The following STAG1 variants were observed in gnomAD, a reference collection of about 807,000 sequenced individuals.
STAG1 encodes cohesin subunit SA-1.
A neutral mutation model predicts 170.9 loss-of-function variants in STAG1; 26 were observed. That is an observed-to-expected ratio of 0.15 (90% CI 0.11 to 0.21). The LOEUF (loss-of-function observed/expected upper bound fraction) is 0.21. STAG1 is among the 10% of genes least tolerant of loss of function. The pLI, the probability that STAG1 is intolerant of heterozygous loss-of-function variation, is 1.00. For missense variants in STAG1, 964 were observed against 1,509.5 expected (o/e 0.64, Z 5.99); for synonymous variants, 514 against 497.7 (o/e 1.03, Z -0.44).
chr3:136,475,950 T>G (rs73863622), intron 10 of STAG1, among the ~76,000 whole-genome samples: 13,475 of 152,142 alleles, frequency 0.089, 1,952 homozygotes, highest in African/African-American at 0.31. Context: ...ATTGTAAGTG[T>G]GACAGAATTT....
intron 1 of STAG1, among the ~76,000 whole-genome samples, chr3:136,719,667 G>A (rs1933104343): frequency 9.6e-6 from 1 of 103,652 alleles, no homozygotes; most frequent in Non-Finnish European, 1.9e-5. Context: ...GGGTGGGTAG[G>A]TGGGTGGGTG....
At chr3:136,706,207 G>C (rs1559962739) in intron 1 of STAG1, among the ~76,000 whole-genome samples, 1 of 152,134 alleles carries the variant, frequency 6.6e-6, no homozygotes, top group Non-Finnish European at 1.5e-5. Context: ...TCTAACATCA[G>C]AAATAAGACA....
At chr3:136,719,337 G>A (rs1205504178) in intron 1 of STAG1, among the ~76,000 whole-genome samples, 4 of 151,998 alleles carry the variant, frequency 2.6e-5, no homozygotes, top group Non-Finnish European at 5.9e-5. Context: ...TAGATTAGTA[G>A]TACCCTAAGA....
intron 6 of STAG1, among the ~76,000 whole-genome samples, chr3:136,535,212 A>T (rs756278884): frequency 2.6e-5 from 4 of 152,212 alleles, no homozygotes; most frequent in Non-Finnish European, 5.9e-5. Flanking sequence ...TAGGGAATAG[A>T]ATGATAGATG....
intron 21 of STAG1, among the ~76,000 whole-genome samples, chr3:136,415,225 T>G (rs754194186): frequency 4.6e-5 from 7 of 151,228 alleles, no homozygotes; most frequent in Non-Finnish European, 1.0e-4. Context: ...AACCACGCAA[T>G]AAAGCAAAGC....
At chr3:136,560,974 T>C (rs181027187) in intron 5 of STAG1, among the ~76,000 whole-genome samples, 98 of 152,208 alleles carry the variant, frequency 6.4e-4, no homozygotes, top group Non-Finnish European at 1.1e-3. Flanking sequence ...TTCCTTGCTC[T>C]CTTCCCACTT....
At chr3:136,741,898 G>A (rs1934690224) in intron 1 of STAG1, among the ~76,000 whole-genome samples, 1 of 152,114 alleles carries the variant, frequency 6.6e-6, no homozygotes, top group Non-Finnish European at 1.5e-5. Context: ...TCGCTGGAGT[G>A]GCTATATTAA....
intron 1 of STAG1, among the ~76,000 whole-genome samples, chr3:136,640,279 ATAAAG>A (rs1940739611): frequency 6.6e-6 from 1 of 152,240 alleles, no homozygotes; most frequent in Non-Finnish European, 1.5e-5. Flanking sequence ...TTATTGAAAA[ATAAAG>A]TATCTAATTT....
chr3:136,544,092 T>C (rs1237911516), intron 5 of STAG1, among the ~76,000 whole-genome samples: 1 of 152,110 alleles, frequency 6.6e-6, no homozygotes, highest in Non-Finnish European at 1.5e-5. Context: ...ACCTATAGCA[T>C]CCACCTCCAG....
intron 3 of STAG1, among the ~76,000 whole-genome samples, chr3:136,620,767 A>C (rs532561362): frequency 9.2e-5 from 14 of 152,232 alleles, no homozygotes; most frequent in Non-Finnish European, 1.8e-4. Flanking sequence ...AATTTCTAGA[A>C]TACTACTTTC....
intron 3 of STAG1, among the ~76,000 whole-genome samples, chr3:136,616,370 T>C (rs1202322609): frequency 3.3e-5 from 5 of 152,122 alleles, no homozygotes; most frequent in Non-Finnish European, 7.3e-5. Context: ...CAGGTCTTAA[T>C]TCTGTGTTCT....
chr3:136,518,221 A>G, intron 7 of STAG1: 1 of 473,796 alleles, frequency 2.1e-6, no homozygotes, highest in Non-Finnish European at 3.8e-6. Context: ...GGAACTCATC[A>G]CATCTGTACC....
At chr3:136,556,968 G>A (rs1576603973) in intron 5 of STAG1, among the ~76,000 whole-genome samples, 1 of 152,034 alleles carries the variant, frequency 6.6e-6, no homozygotes, top group African/African-American at 2.4e-5. Context: ...AGCAATGGCC[G>A]ACGCCTGTAA....
At position 136,740,598 on chromosome 3, in the gene STAG1, GC is replaced by G. The variant is rs535774451; in HGVS notation, c.-84+11596del. On this transcript the variant is annotated intron_variant, in intron 1 of 33. Coordinates refer to ENST00000383202, the MANE Select transcript of STAG1 (RefSeq NM_005862.3). ...TGGGCTCAAACTATCCTCTGCCTCA[GC>G]CCCCCAAGTAGCTGGGACTACAGGT... Among the ~76,000 whole-genome samples the G allele has an allele frequency of 5.2e-4, 79 of 152,128 alleles. 2 individuals are homozygous for G. In the South Asian group the frequency reaches 0.016, roughly 30 times the overall value.
intron 4 of STAG1, among the ~76,000 whole-genome samples, chr3:136,582,189 G>GT: frequency 7.8e-6 from 1 of 127,984 alleles, no homozygotes; most frequent in African/African-American, 3.0e-5. Flanking sequence ...ATCCTGCTTT[G>GT]TTTTTTGTGT....
intron 12 of STAG1, among the ~76,000 whole-genome samples, chr3:136,468,863 T>C (rs2089545738): frequency 6.6e-6 from 1 of 152,146 alleles, no homozygotes; most frequent in Non-Finnish European, 1.5e-5. Context: ...ATCCAGCATA[T>C]GAACAGAACC....
chr3:136,646,750 A>G (rs1017219781), intron 1 of STAG1, among the ~76,000 whole-genome samples: 2 of 152,274 alleles, frequency 1.3e-5, no homozygotes, highest in South Asian at 4.1e-4. Flanking sequence ...CAGTAAAAAT[A>G]CAAAAAGTAG....
At chr3:136,522,944 A>G (rs1934763410) in intron 6 of STAG1, among the ~76,000 whole-genome samples, 1 of 152,158 alleles carries the variant, frequency 6.6e-6, no homozygotes, top group East Asian at 1.9e-4. Context: ...TATATGTGCC[A>G]TATTTTCTTA....
Position 136,589,101 on chromosome 3 carries a change from G to A in STAG1, c.297+15208C>T, listed in dbSNP as rs1023584968. On this transcript the variant is annotated intron_variant, in intron 4 of 33. Transcript: ENST00000383202. ...ACATGGGGTTTCACCACAATGGTCA[G>A]ACTGGTCTGGAACTCTTAACCTCAG... Among the ~76,000 whole-genome samples, 5 of 152,040 alleles carry A rather than the reference G, an allele frequency of 3.3e-5. No homozygotes were observed. In the East Asian group the frequency reaches 9.8e-4, roughly 30 times the overall value.
Sources: allele counts gnomAD v4.1 joint callset (sites outside exome capture counted in the v4.1 genomes callset), GRCh38; gene constraint gnomAD v4.1.1; transcripts MANE v1.5; gene names NCBI Gene and HGNC (gene_info 2026-07-23, HGNC 2026-07-21).